The following SPICE1 variants were observed in gnomAD, a reference collection of about 807,000 sequenced individuals.
SPICE1 encodes spindle and centriole-associated protein 1.
SPICE1 carries 75 observed loss-of-function variants against 102.7 expected under a neutral mutation model. The ratio of observed to expected loss-of-function variants is 0.73; its 90% CI spans 0.61 to 0.88. SPICE1 has a LOEUF of 0.88. SPICE1 is among the 40% of genes least tolerant of loss of function. The pLI is 0.00. For missense variants in SPICE1, 979 were observed against 1,020.1 expected, an observed-to-expected ratio of 0.96 and a Z score of 0.55; for synonymous variants, 308 against 350.3, an observed-to-expected ratio of 0.88 and a Z score of 1.35.
At chr3:113,506,633 T>G (rs777762274) in intron 1 of SPICE1, 28 bp from the exon 2 acceptor site, 1 of 1,571,850 alleles carries the variant, frequency 6.4e-7, no homozygotes, top group Non-Finnish European at 8.7e-7. Context: ...ATCAAATTTT[T>G]AAAATACAAG....
At chr3:113,514,370 C>A in intron 1 of SPICE1, 2 of 301,142 alleles carry the variant, frequency 6.6e-6, no homozygotes, top group South Asian at 2.8e-5. Flanking sequence ...TCAATCCTAC[C>A]TAAATACATG....
intron 9 of SPICE1, 46 bp from the exon 10 acceptor site, chr3:113,468,450 T>C (rs758657372): frequency 4.4e-5 from 69 of 1,577,168 alleles, no homozygotes; most frequent in Non-Finnish European, 3.5e-6. Flanking sequence ...GGAAAAATTA[T>C]GACTAGAAAA....
chr3:113,451,132 G>A (rs1457878231), intron 14 of SPICE1, among the ~76,000 whole-genome samples: 1 of 152,102 alleles, frequency 6.6e-6, no homozygotes, highest in Non-Finnish European at 1.5e-5. Context: ...ATAATTACAG[G>A]CTTCAAATAT....
chr3:113,464,871 C>T (rs1166558246), intron 11 of SPICE1, among the ~76,000 whole-genome samples: 1 of 152,074 alleles, frequency 6.6e-6, no homozygotes, highest in Non-Finnish European at 1.5e-5. Flanking sequence ...CTTTCGAGGG[C>T]CAAGGCGGGC....
intron 7 of SPICE1, among the ~76,000 whole-genome samples, chr3:113,472,623 T>G (rs1286457787): frequency 2.6e-5 from 4 of 152,092 alleles, no homozygotes; most frequent in Admixed American, 2.6e-4. Flanking sequence ...GCATTCGCGG[T>G]TCACGAAAAT....
intron 3 of SPICE1, among the ~76,000 whole-genome samples, chr3:113,501,740 A>G (rs1937011797): frequency 6.6e-6 from 1 of 152,234 alleles, no homozygotes; most frequent in Admixed American, 6.5e-5. Context: ...TACTAAGAGA[A>G]CTAAAATGAA....
chr3:113,493,160 A>T (rs766828719), intron 6 of SPICE1, 46 bp downstream of exon 6: 44 of 1,372,752 alleles, frequency 3.2e-5, no homozygotes, highest in Non-Finnish European at 4.4e-5. Flanking sequence ...ATCAACTTAA[A>T]CTTCCTTTCA....
At chr3:113,485,112 G>C (rs1035104619) in intron 7 of SPICE1, among the ~76,000 whole-genome samples, 1 of 151,680 alleles carries the variant, frequency 6.6e-6, no homozygotes, top group Non-Finnish European at 1.5e-5. Context: ...AGGGTCCTGG[G>C]TTTCAAGCAC....
intron 3 of SPICE1, among the ~76,000 whole-genome samples, chr3:113,500,692 G>C (rs1431867628): frequency 6.6e-6 from 1 of 152,060 alleles, no homozygotes; most frequent in Non-Finnish European, 1.5e-5. Context: ...GTACATAGTA[G>C]TTATTTCTAT....
intron 7 of SPICE1, among the ~76,000 whole-genome samples, chr3:113,477,609 A>T (rs1936384776): frequency 6.6e-6 from 1 of 152,182 alleles, no homozygotes; most frequent in Non-Finnish European, 1.5e-5. Context: ...TGCAGCCTTA[A>T]AAAATGATAA....
At position 113,449,746 on chromosome 3, in the gene SPICE1, C is replaced by T. The variant is rs527547608; in HGVS notation, c.2323+590G>A. ...TCTTTTACTGGGCCAAAATCAATCT[C>T]TCAGTACTCTTCATGTAGCTGTCCC... On this transcript the variant is annotated intron_variant, in intron 15 of 17. Transcript: ENST00000295872. The T allele has an allele frequency of 3.9e-5, 6 of 153,416 alleles. No individual in the cohort carries two copies. The East Asian group carries it at 1.1e-3, about 29-fold the overall frequency. The allele number at this position is 153,416 out of a possible 1,614,324, so 9.5% of individuals were successfully genotyped here. A position where few individuals can be genotyped will look rare whatever the true frequency, so the allele number is the denominator to read the frequency against.
At position 113,477,230 on chromosome 3, in the gene SPICE1, A is replaced by T. The variant is rs1936373316; in HGVS notation, c.612-7992T>A. Among the ~76,000 whole-genome samples the T allele has an allele frequency of 2.0e-5, 3 of 152,300 alleles. No homozygotes were observed. The South Asian group carries it at 6.2e-4, about 32-fold the overall frequency. ...TCAGAGAAATGCAAATCAAAACCAC[A>T]ATGAGATATCATCTCACACCAGTTA... On this transcript the variant is annotated intron_variant, in intron 7 of 17. Coordinates refer to ENST00000295872, the MANE Select transcript of SPICE1 (RefSeq NM_144718.4).
At chr3:113,477,379 G>A (rs1156674714) in intron 7 of SPICE1, among the ~76,000 whole-genome samples, 10 of 152,080 alleles carry the variant, frequency 6.6e-5, no homozygotes, top group South Asian at 4.2e-4. Flanking sequence ...TCAGTGTGGC[G>A]ATTCCTCAGG....
intron 7 of SPICE1, among the ~76,000 whole-genome samples, chr3:113,484,260 G>A (rs1283333491): frequency 6.6e-6 from 1 of 152,030 alleles, no homozygotes; most frequent in Non-Finnish European, 1.5e-5. Context: ...GTGTCTATTT[G>A]ATTCTTCTCT....
chr3:113,468,216 G>A lies in SPICE1; in HGVS notation c.1078C>T (p.Gln360Ter). The change falls in exon 10 of 18, where the codon CAG becomes TAG. Residue 360 changes from glutamine (Q) to a stop codon, truncating the protein, a stop_gained. Coordinates refer to ENST00000295872, the MANE Select transcript of SPICE1 (RefSeq NM_144718.4). LOFTEE classifies it high-confidence loss of function. ...AAGCCTGTAAGACCCTGACTGCTCT[G>A]CAGACCCTTGACCTCGCGACCTGTC... ...RWTGREVKGL[Q>*]SSQGLTGFTL... The A allele has an allele frequency of 6.2e-7, 1 of 1,614,152 alleles. No individual in the cohort carries two copies. The highest frequency in any genetic ancestry group is 8.5e-7 in the Non-Finnish European group (1 of 1,180,032).
Position 113,468,883 on chromosome 3 carries a change from G to A in SPICE1, c.768C>T (p.Thr256=), listed in dbSNP as rs770245258. ...TGGTTTGGAGTCTCTTGACAGCATT[G>A]GTAGCATTCAGAGCAGCTAAAAGGA... The part of the protein sequence containing the change: ...SGEQRAALNA[T]NAVKRLQTRL... The change falls in exon 9 of 18, where the codon ACC becomes ACT. Residue 256 remains threonine, a synonymous_variant. Coordinates refer to ENST00000295872, the MANE Select transcript of SPICE1 (RefSeq NM_144718.4). 4 of 1,612,538 alleles carry A rather than the reference G, an allele frequency of 2.5e-6. No homozygotes were observed. Among genetic ancestry groups the A allele is most frequent in the African/African-American group, 2.7e-5 (2 of 74,796 alleles).
intron 4 of SPICE1, among the ~76,000 whole-genome samples, chr3:113,494,454 C>T (rs1189867360): frequency 6.6e-6 from 1 of 151,766 alleles, no homozygotes; most frequent in African/African-American, 2.4e-5. Flanking sequence ...GAGACCATCC[C>T]GGCTAAAACG....
chr3:113,478,629 C>G (rs1281181602), intron 7 of SPICE1, among the ~76,000 whole-genome samples: 4 of 151,956 alleles, frequency 2.6e-5, no homozygotes, highest in Non-Finnish European at 5.9e-5. Context: ...AAACAAAATG[C>G]AAAGAGAAAT....
intron 8 of SPICE1, 76 bp downstream of exon 8, chr3:113,469,023 T>G: frequency 6.4e-7 from 1 of 1,564,648 alleles, no homozygotes; most frequent in Non-Finnish European, 8.7e-7. Flanking sequence ...CAAATAACAT[T>G]CCTTCAAAAA....
Sources: allele counts gnomAD v4.1 joint callset (sites outside exome capture counted in the v4.1 genomes callset), GRCh38; gene constraint gnomAD v4.1.1; transcripts MANE v1.5; gene names NCBI Gene and HGNC (gene_info 2026-07-23, HGNC 2026-07-21).